IGBP1C: variants seen among roughly 807,000 people sequenced by gnomAD.
IGBP1C encodes immunoglobulin-binding protein 1 family member C.
At chr17:58,687,316 T>A in the IGBP1C span, among the ~76,000 whole-genome samples, 181 of 152,244 alleles carry the variant, frequency 1.2e-3, 1 homozygote, top group African/African-American at 4.3e-3. Context: ...CAGAAGGCTG[T>A]GTAAAGCTCA....
chr17:58,666,758 A>G, the IGBP1C span: 1 of 152,140 alleles, frequency 6.6e-6, no homozygotes, highest in African/African-American at 2.4e-5. Context: ...AGTGCGGGTA[A>G]CTCCTGAAAT....
the IGBP1C span, among the ~76,000 whole-genome samples, chr17:58,678,982 C>T: frequency 9.2e-5 from 14 of 151,716 alleles, no homozygotes; most frequent in African/African-American, 3.1e-4. Flanking sequence ...GGTGAAACCC[C>T]GTCTCTACTA....
chr17:58,669,733 C>CAAAAAAAAAAAAA, the IGBP1C span, among the ~76,000 whole-genome samples: 1 of 56,300 alleles, frequency 1.8e-5, no homozygotes, highest in Non-Finnish European at 3.5e-5. Context: ...GACTCCGTCT[C>CAAAAAAAAAAAAA]AAAAAAAAAA....
chr17:58,662,452 C>CACAG, the IGBP1C span, among the ~76,000 whole-genome samples: 1 of 147,028 alleles, frequency 6.8e-6, no homozygotes, highest in Non-Finnish European at 1.5e-5. Context: ...CACACACACA[C>CACAG]AGAATCAAAC....
chr17:58,673,058 TA>T, the IGBP1C span, among the ~76,000 whole-genome samples: 1 of 151,798 alleles, frequency 6.6e-6, no homozygotes, highest in African/African-American at 2.4e-5. Context: ...ATACTTTTTT[TA>T]AAAAAAATTT....
the IGBP1C span, among the ~76,000 whole-genome samples, chr17:58,674,562 C>G: frequency 6.6e-6 from 1 of 151,058 alleles, no homozygotes; most frequent in Non-Finnish European, 1.5e-5. Context: ...CCCAGCTACT[C>G]GAGACGGAGA....
the IGBP1C span, among the ~76,000 whole-genome samples, chr17:58,674,200 A>G: frequency 6.6e-6 from 1 of 151,412 alleles, no homozygotes; most frequent in Non-Finnish European, 1.5e-5. Flanking sequence ...TGCTTGAACC[A>G]GGGAGGTGGA....
the IGBP1C span, chr17:58,691,880 C>A: frequency 6.6e-6 from 1 of 152,234 alleles, no homozygotes; most frequent in Non-Finnish European, 1.5e-5. Context: ...TGTAGCCCAG[C>A]CCCTCCTTCT....
chr17:58,672,324 C>T, the IGBP1C span, among the ~76,000 whole-genome samples: 1 of 152,212 alleles, frequency 6.6e-6, no homozygotes, highest in Non-Finnish European at 1.5e-5. Context: ...GTCATCTCCT[C>T]TACTCCCATT....
chr17:58,688,689 T>C, the IGBP1C span, among the ~76,000 whole-genome samples: 4 of 152,150 alleles, frequency 2.6e-5, no homozygotes, highest in African/African-American at 9.7e-5. Flanking sequence ...CTTCCAGACA[T>C]GTGATACAAA....
At chr17:58,669,673 G>T in the IGBP1C span, among the ~76,000 whole-genome samples, 1 of 148,436 alleles carries the variant, frequency 6.7e-6, no homozygotes, top group Admixed American at 6.8e-5. Context: ...GGCAGAGGTT[G>T]CAGGGAGCTG....
chr17:58,660,838 G>A, the IGBP1C span: 2 of 786,450 alleles, frequency 2.5e-6, no homozygotes, highest in Non-Finnish European at 4.7e-6. Flanking sequence ...CAAATACTTT[G>A]GCTTGCGCCA....
the IGBP1C span, among the ~76,000 whole-genome samples, chr17:58,684,428 C>A: frequency 6.6e-6 from 1 of 151,292 alleles, no homozygotes; most frequent in African/African-American, 2.4e-5. Context: ...CACCATTGCA[C>A]TCCAGCCTGG....
chr17:58,664,280 C>A, the IGBP1C span, among the ~76,000 whole-genome samples: 1 of 152,172 alleles, frequency 6.6e-6, no homozygotes, highest in Non-Finnish European at 1.5e-5. Flanking sequence ...CTGACCACAG[C>A]TCTGAGGCCT....
chr17:58,661,356 T>G, the IGBP1C span: 2 of 905,412 alleles, frequency 2.2e-6, no homozygotes, highest in African/African-American at 3.3e-5. Flanking sequence ...GCTGGCACCA[T>G]CAGGTACTTC....
At chr17:58,661,564 C>T in the IGBP1C span, 1 of 739,790 alleles carries the variant, frequency 1.4e-6, no homozygotes, top group Non-Finnish European at 2.5e-6. Context: ...CGGGGAGCCG[C>T]GGCGGCGGCA....
chr17:58,684,630 CAAATAAAT>C, the IGBP1C span, among the ~76,000 whole-genome samples: 54,288 of 140,034 alleles, frequency 0.39, 10,928 homozygotes, highest in Middle Eastern at 0.53. Flanking sequence ...GACCCTGTCT[CAAATAAAT>C]AAATAAATAA....
the IGBP1C span, chr17:58,660,470 T>C: frequency 1.7e-6 from 1 of 604,966 alleles, no homozygotes; most frequent in East Asian, 2.7e-5. Context: ...TAAGCATCTT[T>C]GCCTTCGTTT....
chr17:58,662,917 A>G, the IGBP1C span, among the ~76,000 whole-genome samples: 123 of 151,762 alleles, frequency 8.1e-4, no homozygotes, highest in Non-Finnish European at 1.3e-3. Context: ...CAGGAGATCG[A>G]GACCATGGTG....
Sources: allele counts gnomAD v4.1 joint callset (sites outside exome capture counted in the v4.1 genomes callset), GRCh38; gene constraint gnomAD v4.1.1; transcripts MANE v1.5; gene names NCBI Gene and HGNC (gene_info 2026-07-23, HGNC 2026-07-21).